Variants in IARS2 observed in about 807,000 individuals in gnomAD.
The protein encoded by IARS2 is isoleucyl-tRNA synthetase 2, mitochondrial.
A neutral mutation model predicts 126.3 loss-of-function variants in IARS2; 56 were observed. The observed-to-expected ratio is 0.44, with a 90% CI of 0.36 to 0.55. The LOEUF (loss-of-function observed/expected upper bound fraction) is 0.55. Ranked by LOEUF, IARS2 falls within the 20% of genes least tolerant of loss-of-function variation. The pLI, the probability that IARS2 is intolerant of heterozygous loss-of-function variation, is 0.00. For synonymous variants in IARS2, 407 were observed against 441.1 expected (o/e 0.92, Z 0.97); for missense variants, 1,127 against 1,245.9 (o/e 0.90, Z 1.44).
At chr1:220,122,606 A>C (rs935808148) in intron 12 of IARS2, among the ~76,000 whole-genome samples, 5 of 152,210 alleles carry the variant, frequency 3.3e-5, no homozygotes, top group African/African-American at 1.2e-4. Flanking sequence ...AAGGAACCCT[A>C]AGGTGCAGAA....
intron 12 of IARS2, chr1:220,117,928 A>C (rs368561403): frequency 1.7e-5 from 9 of 518,370 alleles, no homozygotes; most frequent in Non-Finnish European, 3.6e-5. Flanking sequence ...CTGTCAATTC[A>C]TAGGTCATTT....
At chr1:220,114,197 G>T in intron 11 of IARS2, 117 bp from the exon 12 acceptor site, 1 of 823,636 alleles carries the variant, frequency 1.2e-6, no homozygotes, top group Admixed American at 2.0e-5. Context: ...GGAGGGTAAG[G>T]GAGGTATGTG....
chr1:220,139,717 C>CT (rs1189039087), intron 18 of IARS2, among the ~76,000 whole-genome samples: 1 of 152,068 alleles, frequency 6.6e-6, no homozygotes, highest in African/African-American at 2.4e-5. Context: ...TGCCACTGCA[C>CT]TCCAGCCTGG....
At chr1:220,107,918 C>T (rs1274078422) in intron 10 of IARS2, among the ~76,000 whole-genome samples, 2 of 152,118 alleles carry the variant, frequency 1.3e-5, no homozygotes, top group African/African-American at 2.4e-5. Flanking sequence ...CTTGTTTTTT[C>T]GAGACAATCT....
Position 220,139,010 on chromosome 1 carries a change from TAGGA to T in IARS2, c.2180_2183del (p.Arg727IlefsTer22). 6.2e-7 allele frequency: 1 copy of T among 1,611,750 alleles called. No homozygotes were observed. The highest frequency in any genetic ancestry group is 2.2e-5 in the East Asian group (1 of 44,818). ...ATATTTTTTCTTCCTATGAATAGCT[TAGGA>T]ATACACTTCGCTTTCTTTTGGGAAA... On this transcript the variant is annotated frameshift_variant, in exon 18 of 23. Transcript: ENST00000366922. LOFTEE classifies it high-confidence loss of function.
chr1:220,111,039 G>T (rs1037927394), intron 11 of IARS2, 102 bp downstream of exon 11: 1 of 1,041,652 alleles, frequency 9.6e-7, no homozygotes, highest in African/African-American at 1.6e-5. Context: ...AATAGGGATT[G>T]CTGCTATTAT....
At chr1:220,102,665 A>G (rs1281179474) in intron 6 of IARS2, 22 bp from the exon 7 acceptor site, 39 of 1,597,464 alleles carry the variant, frequency 2.4e-5, no homozygotes, top group Non-Finnish European at 3.1e-5. Flanking sequence ...TTGCTAACAT[A>G]TTTACAATTG....
intron 13 of IARS2, among the ~76,000 whole-genome samples, chr1:220,125,902 C>G (rs1460047104): frequency 2.0e-5 from 3 of 151,168 alleles, no homozygotes; most frequent in East Asian, 3.9e-4. Context: ...GTCAGGAGAT[C>G]GAGACCATCC....
chr1:220,109,956 A>G (rs1656762881), intron 10 of IARS2, among the ~76,000 whole-genome samples: 1 of 152,218 alleles, frequency 6.6e-6, no homozygotes, highest in African/African-American at 2.4e-5. Context: ...TAGAAGTGGC[A>G]TAATTTGGAG....
Position 220,114,372 on chromosome 1 carries a change from T to G in IARS2, c.1538T>G (p.Met513Arg). The G allele has an allele frequency of 6.2e-7, 1 of 1,614,022 alleles. No homozygotes were observed. Among genetic ancestry groups the G allele is most frequent in the Non-Finnish European group, 8.5e-7 (1 of 1,179,870 alleles). Residue 513 changes from methionine to arginine, a missense_variant, in exon 12 of 23, where the codon ATG (methionine) becomes AGG (arginine). Met to Arg is a moderately conservative substitution (Grantham distance 91). Transcript: ENST00000366922. ...TCAGCACTGAATGGCATGGTTGAAATGATGGACAGGCGGCCATATTGGTGT... is the reference window on the plus strand; with the variant it reads ...TCAGCACTGAATGGCATGGTTGAAAGGATGGACAGGCGGCCATATTGGTGT... Reference protein sequence around the residue: ...PGSALNGMVEMMDRRPYWCIS... With the variant: ...PGSALNGMVERMDRRPYWCIS...
chr1:220,121,858 A>G (rs939805563), intron 12 of IARS2, among the ~76,000 whole-genome samples: 7 of 152,172 alleles, frequency 4.6e-5, no homozygotes, highest in Admixed American at 1.3e-4. Context: ...TTGGGAGGCT[A>G]AGGCTGGAGG....
At chr1:220,124,413 G>A (rs1167945806) in intron 12 of IARS2, among the ~76,000 whole-genome samples, 1 of 152,160 alleles carries the variant, frequency 6.6e-6, no homozygotes, top group Non-Finnish European at 1.5e-5. Context: ...TAGTTGTTCT[G>A]AGGGAAGTGT....
intron 12 of IARS2, chr1:220,118,261 C>T (rs1330127702): frequency 2.2e-6 from 1 of 452,116 alleles, no homozygotes; most frequent in African/African-American, 2.0e-5. Flanking sequence ...AAGGAGATTC[C>T]TTTTGCTCAT....
rs1656623790 is a variant in IARS2 at position 220,103,515 on chromosome 1, T to C, written c.1019T>C (p.Val340Ala). The C allele has an allele frequency of 3.7e-6, 6 of 1,613,564 alleles. No individual in the cohort carries two copies. Among genetic ancestry groups the C allele is most frequent in the Non-Finnish European group, 4.2e-6 (5 of 1,179,542 alleles). The change falls in exon 8 of 23, where the codon GTT (valine) becomes GCT (alanine). Residue 340 changes from valine to alanine, a missense_variant. Physicochemically the swap from Val to Ala is moderately conservative, Grantham distance 64. Coordinates refer to ENST00000366922, the MANE Select transcript of IARS2 (RefSeq NM_018060.4). The part of the protein sequence containing the change: ...YVLAADKVAS[V>A]ASTLETTFET... ...CTGGCGGCAGATAAAGTAGCATCTG[T>C]TGCTTCTACTTTGGAAACAACATTT...
chr1:220,140,143 C>G, intron 18 of IARS2, 40 bp from the exon 19 acceptor site: 1 of 1,152,314 alleles, frequency 8.7e-7, no homozygotes. Context: ...TTTCATTTGC[C>G]TGTCTCAGCT....
rs779764494 is a variant in IARS2, at chr1:220,138,018, A to G, written c.2150A>G (p.Asn717Ser). 4.3e-6 allele frequency: 7 copies of G among 1,614,040 alleles called. No individual in the cohort carries two copies. In the Admixed American group the frequency reaches 6.7e-5, roughly 15 times the overall value. ...GTTGCAATTGGCCCATCCGTGCTCA[A>G]TGCTGCCAGAGATGATATTAGCAAG... ...TEVAIGPSVL[N>S]AARDDISKLR... Residue 717 changes from asparagine (N) to serine (S), a missense_variant, in exon 17 of 23, where the codon AAT becomes AGT. Coordinates refer to ENST00000366922, the MANE Select transcript of IARS2 (RefSeq NM_018060.4).
At chr1:220,100,720 T>A in intron 3 of IARS2, 71 bp downstream of exon 3, 1 of 1,213,856 alleles carries the variant, frequency 8.2e-7, no homozygotes. Flanking sequence ...GTCAGAACTT[T>A]ACCAAAGGAA....
chr1:220,130,693 G>C (rs1015522450), intron 14 of IARS2, among the ~76,000 whole-genome samples: 3 of 152,288 alleles, frequency 2.0e-5, no homozygotes, highest in Admixed American at 2.0e-4. Context: ...GAGTAGCTGG[G>C]ACTACAGGCA....
chr1:220,147,436 A>G, intron 22 of IARS2, 57 bp from the exon 23 acceptor site: 2 of 1,552,238 alleles, frequency 1.3e-6, no homozygotes, highest in Non-Finnish European at 8.9e-7. Flanking sequence ...ACCAATTAAG[A>G]AACAGTGTTA....
Sources: gnomAD v4.1 joint callset for allele counts (sites outside exome capture counted in the v4.1 genomes callset) on GRCh38, gnomAD v4.1.1 for gene constraint, MANE v1.5 for transcripts, NCBI Gene and HGNC (gene_info 2026-07-23, HGNC 2026-07-21) for gene names.